Variants in MYO9A observed in about 807,000 individuals in gnomAD.
MYO9A encodes unconventional myosin-IXa.
Under a neutral mutation model 293.3 loss-of-function variants are expected in MYO9A, and 103 were observed. That is an observed-to-expected ratio of 0.35 (90% CI 0.30 to 0.41). MYO9A has a LOEUF of 0.41. Ranked by LOEUF, MYO9A falls within the 10% of genes least tolerant of loss-of-function variation. The pLI is 1.00. For synonymous variants in MYO9A, 1,001 were observed against 1,035.7 expected (o/e 0.97, Z 0.64); for missense variants, 2,685 against 3,033.0 (o/e 0.89, Z 2.69).
intron 21 of MYO9A, among the ~76,000 whole-genome samples, chr15:71,903,377 G>A (rs2291276): frequency 0.013 from 2,029 of 152,056 alleles, 19 homozygotes; most frequent in East Asian, 0.024. Context: ...ATTTCTATCA[G>A]GAAAAAAAAA....
At chr15:71,869,404 A>G (rs766183207) in intron 32 of MYO9A, among the ~76,000 whole-genome samples, 2 of 152,162 alleles carry the variant, frequency 1.3e-5, no homozygotes, top group African/African-American at 2.4e-5. Flanking sequence ...ACTCAAATGG[A>G]AAAACATGCT....
intron 39 of MYO9A, among the ~76,000 whole-genome samples, chr15:71,835,936 G>A (rs2054922810): frequency 6.6e-6 from 1 of 151,914 alleles, no homozygotes; most frequent in Non-Finnish European, 1.5e-5. Flanking sequence ...CACATAAGAA[G>A]GCTCCCAATT....
chr15:71,928,909 A>AG (rs1173202613), intron 18 of MYO9A, among the ~76,000 whole-genome samples: 2 of 151,128 alleles, frequency 1.3e-5, no homozygotes, highest in African/African-American at 4.9e-5. Flanking sequence ...ACGAGAAAAA[A>AG]AAAAAAAATT....
At chr15:71,921,542 C>T (rs1414712639) in intron 18 of MYO9A, among the ~76,000 whole-genome samples, 1 of 152,118 alleles carries the variant, frequency 6.6e-6, no homozygotes, top group Non-Finnish European at 1.5e-5. Context: ...TAGTCTGAGA[C>T]GAAATTAGTG....
intron 32 of MYO9A, among the ~76,000 whole-genome samples, chr15:71,871,967 A>C (rs1242537650): frequency 2.6e-5 from 4 of 151,834 alleles, no homozygotes; most frequent in African/African-American, 4.8e-5. Context: ...CTGGAATAAC[A>C]CCAAAAAACT....
chr15:72,103,500 CAGTGGCA>C (rs2080458626), intron 1 of MYO9A, among the ~76,000 whole-genome samples: 1 of 148,464 alleles, frequency 6.7e-6, no homozygotes, highest in South Asian at 2.2e-4. Flanking sequence ...GAAGCAGAAG[CAGTGGCA>C]GCAGAAGCAG....
At chr15:72,041,319 T>A in intron 2 of MYO9A, 1 of 714,498 alleles carries the variant, frequency 1.4e-6, no homozygotes, top group Non-Finnish European at 2.5e-6. Flanking sequence ...CAGTTTAAGA[T>A]CCTCAGGAAC....
chr15:71,917,202 T>C (rs1027752021), intron 18 of MYO9A, among the ~76,000 whole-genome samples: 3 of 151,860 alleles, frequency 2.0e-5, no homozygotes. Context: ...GAGACAACAA[T>C]TAAATACCAG....
At position 71,854,407 on chromosome 15, in the gene MYO9A, T is replaced by C; in HGVS notation, c.6316A>G (p.Ile2106Val). The C allele has an allele frequency of 1.9e-6, 3 of 1,600,048 alleles. No homozygotes were observed. Among genetic ancestry groups the C allele is most frequent in the Non-Finnish European group, 2.6e-6 (3 of 1,174,466 alleles). Residue 2106 changes from isoleucine to valine, a missense_variant, in exon 35 of 42, where the codon ATC becomes GTC. By Grantham distance (29) the Ile-to-Val change is conservative. Transcript: ENST00000356056. ...TCTAGACCCTGCCGAAGCTCCTTGA[T>C]TTTATTAGTCGAACCAGACTTTCGA... The part of the protein sequence containing the change: ...IYRKSGSTNK[I>V]KELRQGLDTD...
chr15:71,967,951 C>T (rs2075917910), intron 13 of MYO9A, 33 bp downstream of exon 13: 2 of 1,581,316 alleles, frequency 1.3e-6, no homozygotes, highest in Non-Finnish European at 1.7e-6. Context: ...ACATCTCTGC[C>T]CTGTAAGCAT....
intron 2 of MYO9A, among the ~76,000 whole-genome samples, chr15:72,044,123 T>C (rs769024266): frequency 2.0e-5 from 3 of 151,476 alleles, no homozygotes; most frequent in Non-Finnish European, 4.4e-5. Context: ...TGTTCACGTA[T>C]AGGCTGGGGG....
At chr15:72,067,511 G>A (rs908852817) in intron 1 of MYO9A, among the ~76,000 whole-genome samples, 1 of 152,024 alleles carries the variant, frequency 6.6e-6, no homozygotes, top group African/African-American at 2.4e-5. Context: ...TCAAACTCCT[G>A]ACCTCGTGAT....
chr15:72,068,972 G>A (rs1045506477), intron 1 of MYO9A, among the ~76,000 whole-genome samples: 2 of 152,118 alleles, frequency 1.3e-5, no homozygotes, highest in Admixed American at 6.6e-5. Flanking sequence ...GAAGTACATA[G>A]ACTTTGCCAC....
intron 1 of MYO9A, among the ~76,000 whole-genome samples, chr15:72,072,263 C>T (rs899370996): frequency 6.6e-6 from 1 of 151,812 alleles, no homozygotes; most frequent in Admixed American, 6.6e-5. Flanking sequence ...TCCAGAGCAG[C>T]TGGGACTACA....
chr15:71,981,358 C>CT (rs1224112277), intron 11 of MYO9A, among the ~76,000 whole-genome samples: 1 of 152,210 alleles, frequency 6.6e-6, no homozygotes, highest in Non-Finnish European at 1.5e-5. Context: ...GACTGACACT[C>CT]TTTCTTCTTT....
intron 34 of MYO9A, among the ~76,000 whole-genome samples, chr15:71,855,509 T>A (rs1411653241): frequency 6.6e-6 from 1 of 152,204 alleles, no homozygotes; most frequent in East Asian, 1.9e-4. Flanking sequence ...ACCCTTAAGA[T>A]TATTTGAAGT....
At chr15:71,987,976 C>T (rs999846460) in intron 11 of MYO9A, among the ~76,000 whole-genome samples, 3 of 152,118 alleles carry the variant, frequency 2.0e-5, no homozygotes, top group Non-Finnish European at 2.9e-5. Context: ...ACACATTTTC[C>T]ATAAACTCTA....
intron 1 of MYO9A, among the ~76,000 whole-genome samples, chr15:72,048,170 C>A (rs1342457865): frequency 6.6e-6 from 1 of 151,718 alleles, no homozygotes; most frequent in Non-Finnish European, 1.5e-5. Flanking sequence ...GAAGCCAAGG[C>A]GGGCGGATCA....
intron 1 of MYO9A, among the ~76,000 whole-genome samples, chr15:72,082,154 A>G (rs536982011): frequency 6.6e-6 from 1 of 152,246 alleles, no homozygotes; most frequent in South Asian, 2.1e-4. Flanking sequence ...GATTCTTCCT[A>G]TGAATGTGGA....
Sources: gnomAD v4.1 joint callset for allele counts (sites outside exome capture counted in the v4.1 genomes callset) on GRCh38, gnomAD v4.1.1 for gene constraint, MANE v1.5 for transcripts, NCBI Gene and HGNC (gene_info 2026-07-23, HGNC 2026-07-21) for gene names.